JMJD1C: variants seen among roughly 807,000 people sequenced by gnomAD.
JMJD1C encodes jumonji domain-containing protein 1C.
Under a neutral mutation model 245.3 loss-of-function variants are expected in JMJD1C, and 31 were observed. That is an observed-to-expected ratio of 0.13 (90% CI 0.09 to 0.17). JMJD1C has a LOEUF of 0.17. JMJD1C is among the 10% of genes least tolerant of loss of function. The pLI is 1.00. For synonymous variants in JMJD1C, 1,057 were observed against 1,017.4 expected, an observed-to-expected ratio of 1.04 and a Z score of -0.74; for missense variants, 2,691 against 3,000.2, an observed-to-expected ratio of 0.90 and a Z score of 2.41.
chr10:63,371,351 A>G (rs1278947287), intron 2 of JMJD1C, among the ~76,000 whole-genome samples: 2 of 152,078 alleles, frequency 1.3e-5, no homozygotes, highest in African/African-American at 4.8e-5. Flanking sequence ...TTTTCTCTAC[A>G]TTTTCCTAAA....
chr10:63,492,363 T>C lies in JMJD1C; in HGVS notation n.113+29375A>G, dbSNP rs533564510. On this transcript the variant is annotated intron_variant and non_coding_transcript_variant, in intron 1 of 3. Transcript: ENST00000633035. ...GAAAAATTTTAGCCTACAATAAAGA[T>C]TTAAAAGATTATAAAGAAATGGCCA... 7.2e-5 allele frequency among the ~76,000 whole-genome samples: 11 copies of C among 152,302 alleles called. 1 individual carries two copies. In the South Asian group the frequency reaches 2.3e-3, roughly 32 times the overall value.
At chr10:63,196,215 C>T (rs1845438527) in intron 13 of JMJD1C, among the ~76,000 whole-genome samples, 1 of 151,712 alleles carries the variant, frequency 6.6e-6, no homozygotes, top group Non-Finnish European at 1.5e-5. Context: ...TGCACTCCAG[C>T]CTGGGCAACA....
At chr10:63,306,485 T>G (rs911387628) in intron 2 of JMJD1C, among the ~76,000 whole-genome samples, 1 of 152,212 alleles carries the variant, frequency 6.6e-6, no homozygotes, top group Admixed American at 6.5e-5. Context: ...TTTTGAAGGC[T>G]AGAAGTCTAA....
intron 2 of JMJD1C, among the ~76,000 whole-genome samples, chr10:63,303,424 G>C (rs570139584): frequency 1.3e-5 from 2 of 152,206 alleles, no homozygotes; most frequent in South Asian, 4.1e-4. Context: ...CCCTGCTTCA[G>C]CCTCACAAGT....
At chr10:63,452,536 C>T (rs1952134710) in intron 1 of JMJD1C, among the ~76,000 whole-genome samples, 1 of 152,082 alleles carries the variant, frequency 6.6e-6, no homozygotes, top group African/African-American at 2.4e-5. Context: ...TGGTTCCTCA[C>T]AAAACATAAA....
chr10:63,453,742 TTTTTG>T (rs989456828), intron 1 of JMJD1C, among the ~76,000 whole-genome samples: 6 of 152,126 alleles, frequency 3.9e-5, no homozygotes, highest in African/African-American at 1.2e-4. Flanking sequence ...TTTTTTTTGT[TTTTTG>T]TTTTGTTTTG....
At chr10:63,326,221 G>A (rs1029736456) in intron 2 of JMJD1C, among the ~76,000 whole-genome samples, 14 of 151,894 alleles carry the variant, frequency 9.2e-5, no homozygotes, top group African/African-American at 2.4e-4. Flanking sequence ...ATGGCCAGAC[G>A]CGGTGGCTCA....
intron 1 of JMJD1C, among the ~76,000 whole-genome samples, chr10:63,420,861 A>G (rs1950086528): frequency 8.6e-6 from 1 of 116,000 alleles, no homozygotes; most frequent in Non-Finnish European, 1.6e-5. Context: ...ACAACAAAGT[A>G]CAAAACAAAC....
intron 2 of JMJD1C, among the ~76,000 whole-genome samples, chr10:63,331,222 A>G (rs767567568): frequency 3.3e-5 from 5 of 152,198 alleles, no homozygotes; most frequent in Non-Finnish European, 7.3e-5. Context: ...TTGTGCATGT[A>G]ATCAGCTCAT....
intron 10 of JMJD1C, among the ~76,000 whole-genome samples, chr10:63,201,485 T>C (rs370027235): frequency 6.6e-6 from 1 of 152,148 alleles, no homozygotes; most frequent in African/African-American, 2.4e-5. Flanking sequence ...CTCTACATCA[T>C]TGCTCCATCA....
intron 3 of JMJD1C, among the ~76,000 whole-genome samples, chr10:63,253,508 C>T (rs1042757944): frequency 3.9e-5 from 6 of 151,902 alleles, no homozygotes; most frequent in East Asian, 1.9e-4. Flanking sequence ...CTCAGACTCC[C>T]GAGTAGCTGG....
intron 1 of JMJD1C, chr10:63,382,935 A>G (rs1947324176): frequency 4.4e-6 from 2 of 452,354 alleles, no homozygotes; most frequent in Middle Eastern, 3.3e-4. Flanking sequence ...TACTTTTTTT[A>G]TAGCTTACAC....
chr10:63,491,930 T>C (rs1480943996), intron 1 of JMJD1C, among the ~76,000 whole-genome samples: 5 of 152,368 alleles, frequency 3.3e-5, no homozygotes, highest in Non-Finnish European at 5.9e-5. Context: ...ACAGAATTCA[T>C]TCTAAACTAA....
intron 1 of JMJD1C, among the ~76,000 whole-genome samples, chr10:63,396,408 A>G (rs1400564887): frequency 6.6e-6 from 1 of 152,158 alleles, no homozygotes; most frequent in Non-Finnish European, 1.5e-5. Context: ...TCTCTGACAT[A>G]TTCACCTCCA....
upstream of JMJD1C, among the ~76,000 whole-genome samples, chr10:63,468,234 C>T (rs1403810231): frequency 6.6e-6 from 1 of 152,166 alleles, no homozygotes; most frequent in African/African-American, 2.4e-5. Flanking sequence ...AAATTCTCTT[C>T]TACTAATCCC....
At chr10:63,347,160 C>T (rs1479019897) in intron 2 of JMJD1C, among the ~76,000 whole-genome samples, 1 of 150,828 alleles carries the variant, frequency 6.6e-6, no homozygotes, top group East Asian at 2.0e-4. Context: ...CCTCCACCTC[C>T]CAAGTTCAAG....
chr10:63,212,679 T>C (rs953228163), intron 8 of JMJD1C, among the ~76,000 whole-genome samples: 1 of 152,134 alleles, frequency 6.6e-6, no homozygotes, highest in Admixed American at 6.6e-5. Flanking sequence ...CACTGTACTA[T>C]ACCATTAATA....
chr10:63,215,245 A>G lies in JMJD1C; in HGVS notation c.1015+18T>C, dbSNP rs1365969537. The G allele has an allele frequency of 6.3e-7, 1 of 1,582,914 alleles. No individual in the cohort carries two copies. Among genetic ancestry groups the G allele is most frequent in the Admixed American group, 1.9e-5 (1 of 53,228 alleles). On this transcript the variant is annotated intron_variant, in intron 7 of 25. Coordinates refer to ENST00000399262, the MANE Select transcript of JMJD1C (RefSeq NM_032776.3). ...TTTTATTTGTTTTCATTCCCTTAAA[A>G]AAAAAAGTGGGTCCTACCTCCTCGT...
At chr10:63,429,100 C>G (rs977101488) in intron 1 of JMJD1C, among the ~76,000 whole-genome samples, 1 of 152,120 alleles carries the variant, frequency 6.6e-6, no homozygotes, top group African/African-American at 2.4e-5. Context: ...CCTGCCTCGG[C>G]CTCCCGGGTA....
Sources: allele counts gnomAD v4.1 joint callset (sites outside exome capture counted in the v4.1 genomes callset), GRCh38; gene constraint gnomAD v4.1.1; transcripts MANE v1.5; gene names NCBI Gene and HGNC (gene_info 2026-07-23, HGNC 2026-07-21).